The following TP53BP2 variants were observed in gnomAD, a reference collection of about 807,000 sequenced individuals.
TP53BP2 encodes the protein apoptosis-stimulating of p53 protein 2.
Under a neutral mutation model 126.2 loss-of-function variants are expected in TP53BP2, and 62 were observed. The ratio of observed to expected loss-of-function variants is 0.49; its 90% confidence interval spans 0.40 to 0.61. The LOEUF (loss-of-function observed/expected upper bound fraction) is 0.61. Ranked by LOEUF, TP53BP2 falls within the 20% of genes least tolerant of loss-of-function variation. The probability of loss-of-function intolerance (pLI) is 0.00; values close to 1 mark genes in which losing one functional copy is unlikely to be tolerated. For missense variants in TP53BP2, 1,215 were observed against 1,402.8 expected, an observed-to-expected ratio of 0.87 and a Z score of 2.14; for synonymous variants, 485 against 502.9, an observed-to-expected ratio of 0.96 and a Z score of 0.48.
chr1:223,788,145 T>C (rs1662033854), intron 16 of TP53BP2, among the ~76,000 whole-genome samples: 1 of 152,098 alleles, frequency 6.6e-6, no homozygotes, highest in South Asian at 2.1e-4. Flanking sequence ...AACTCCAGGT[T>C]TGTGGTTCTC....
Position 223,814,341 on chromosome 1 carries a change from G to A in TP53BP2, c.188C>T (p.Ala63Val), listed in dbSNP as rs768216647. 1.7e-5 allele frequency: 28 copies of A among 1,611,846 alleles called. No individual in the cohort carries two copies. Among genetic ancestry groups the A allele is most frequent in the Admixed American group, 1.3e-4 (8 of 59,938 alleles). Reference protein sequence around the residue: ...EVWCGSERPVADNERMFDVLQ... With the variant: ...EVWCGSERPVVDNERMFDVLQ... The stretch of plus-strand genomic sequence containing the variant: ...AACATCAAACATTCGCTCATTATCC[G>A]CAACTGGACGTTCTAAAGCAAATGA... Residue 63 changes from alanine (A) to valine (V), a missense_variant, in exon 3 of 18, where the codon GCG becomes GTG. Around this residue, in one of 4 missense-constraint regions of TP53BP2, gnomAD observed 814 missense variants for 853.0 expected, o/e 0.95. Coordinates refer to ENST00000343537, the MANE Select transcript of TP53BP2 (RefSeq NM_001031685.3).
chr1:223,831,498 T>C (rs1339318936), intron 1 of TP53BP2, among the ~76,000 whole-genome samples: 2 of 128,024 alleles, frequency 1.6e-5, no homozygotes, highest in African/African-American at 6.4e-5. Flanking sequence ...TATATATATA[T>C]ATATATATAT....
At chr1:223,832,599 T>C (rs888338835) in intron 1 of TP53BP2, among the ~76,000 whole-genome samples, 3 of 152,214 alleles carry the variant, frequency 2.0e-5, no homozygotes, top group Non-Finnish European at 4.4e-5. Context: ...AATTAAGATA[T>C]AACCAAAGTT....
chr1:223,788,264 C>G (rs1404492156), intron 16 of TP53BP2, among the ~76,000 whole-genome samples: 3 of 152,126 alleles, frequency 2.0e-5, no homozygotes, highest in African/African-American at 7.2e-5. Context: ...GTCTTCCAAT[C>G]AACTGGGAAA....
chr1:223,802,711 T>C lies in TP53BP2; in HGVS notation c.996+20A>G, dbSNP rs538538185. On this transcript the variant is annotated intron_variant, in intron 8 of 17. Transcript: ENST00000343537. Reference sequence around the variant, plus strand: ...TCTTTTTCCCTCCTCCCCAAAACCATTACAAAACGGCCCACTTACTGGTAG... The same window carrying C: ...TCTTTTTCCCTCCTCCCCAAAACCACTACAAAACGGCCCACTTACTGGTAG... The C allele has an allele frequency of 1.9e-6, 3 of 1,613,682 alleles. No homozygotes were observed. The highest frequency in any genetic ancestry group is 1.7e-5 in the Admixed American group (1 of 59,998).
At chr1:223,842,970 G>C (rs1248956179) in intron 1 of TP53BP2, among the ~76,000 whole-genome samples, 1 of 152,222 alleles carries the variant, frequency 6.6e-6, no homozygotes, top group Non-Finnish European at 1.5e-5. Flanking sequence ...GTATCTGAAA[G>C]TGAGAGTAAT....
intron 3 of TP53BP2, among the ~76,000 whole-genome samples, chr1:223,811,183 C>G (rs895112190): frequency 6.6e-6 from 1 of 152,002 alleles, no homozygotes; most frequent in Non-Finnish European, 1.5e-5. Flanking sequence ...TCTTTCAGTA[C>G]CACTTAATGT....
chr1:223,783,602 T>C (rs1661845844), intron 17 of TP53BP2, among the ~76,000 whole-genome samples: 1 of 152,228 alleles, frequency 6.6e-6, no homozygotes, highest in Admixed American at 6.5e-5. Flanking sequence ...TGTCTGACCA[T>C]ACGCCAGCCT....
chr1:223,788,908 C>T lies in TP53BP2; in HGVS notation c.3163+100G>A. Reference sequence around the variant, plus strand: ...TCAAGGCCCAAGACTATGGATAACACAAGATTTTTTCCAAACAAAAATACT... The same window carrying T: ...TCAAGGCCCAAGACTATGGATAACATAAGATTTTTTCCAAACAAAAATACT... On this transcript the variant is annotated intron_variant, in intron 16 of 17. Transcript: ENST00000343537. The T allele has an allele frequency of 3.8e-6, 5 of 1,304,594 alleles. No homozygotes were observed. The South Asian group carries it at 7.0e-5, about 18-fold the overall frequency. The allele number at this position is 1,304,594 out of a possible 1,614,324, so 80.8% of individuals were successfully genotyped here. A position where few individuals can be genotyped will look rare whatever the true frequency, so the allele number is the denominator to read the frequency against.
intron 1 of TP53BP2, among the ~76,000 whole-genome samples, chr1:223,843,269 G>T (rs1029521189): frequency 6.6e-6 from 1 of 151,906 alleles, no homozygotes; most frequent in South Asian, 2.1e-4. Flanking sequence ...CACCTCCAGG[G>T]TTCAAGCAAT....
chr1:223,828,136 A>C lies in TP53BP2; in HGVS notation c.28-6769T>G, dbSNP rs116543593. Among the ~76,000 whole-genome samples the C allele has an allele frequency of 6.1e-3, 925 of 152,302 alleles. 5 individuals carry two copies. Among genetic ancestry groups the C allele is most frequent in the African/African-American group, 0.021 (884 of 41,570 alleles). The stretch of plus-strand genomic sequence containing the variant: ...ACCATTTTTAAAGATAAAAAATAAA[A>C]CTGTTAAATCTAAGAAGTTTCCTGC... On this transcript the variant is annotated intron_variant, in intron 1 of 17. Coordinates refer to ENST00000343537, the MANE Select transcript of TP53BP2 (RefSeq NM_001031685.3).
At chr1:223,815,470 T>TAC (rs1663053169) in intron 2 of TP53BP2, among the ~76,000 whole-genome samples, 1 of 152,012 alleles carries the variant, frequency 6.6e-6, no homozygotes, top group Non-Finnish European at 1.5e-5. Flanking sequence ...CCCTACAAAA[T>TAC]ACACACACAC....
At chr1:223,845,358 C>T (rs1664230431) in intron 1 of TP53BP2, 4 of 717,822 alleles carry the variant, frequency 5.6e-6, no homozygotes, top group East Asian at 1.3e-4. Context: ...CAGTGAAAGA[C>T]GAAAAGTTTG....
Position 223,793,476 on chromosome 1 carries a change from G to A in TP53BP2, c.2725-36C>T, listed in dbSNP as rs57830848. ...AATGGGTGGAAAATTTAGGATCCTC[G>A]TCTATGCAAGAGAACAACAGCAGCA... On this transcript the variant is annotated intron_variant, in intron 13 of 17. Transcript: ENST00000343537. 5,386 of 1,510,932 alleles carry A rather than the reference G, an allele frequency of 3.6e-3. 157 individuals are homozygous for A. The African/African-American group carries it at 0.065, about 18-fold the overall frequency. 93.6% of individuals were successfully genotyped at this position (1,510,932 alleles called of 1,614,324 possible). A position where few individuals can be genotyped will look rare whatever the true frequency, so the allele number is the denominator to read the frequency against.
intron 5 of TP53BP2, among the ~76,000 whole-genome samples, chr1:223,806,545 C>T (rs567788014): frequency 1.3e-5 from 2 of 152,158 alleles, no homozygotes; most frequent in East Asian, 1.9e-4. Context: ...TACTACCAGC[C>T]GGGCACGGGG....
intron 1 of TP53BP2, among the ~76,000 whole-genome samples, chr1:223,824,412 C>A (rs1159459071): frequency 1.3e-5 from 2 of 152,310 alleles, no homozygotes; most frequent in South Asian, 4.1e-4. Context: ...ATTAGCTCTG[C>A]GGTGATTTTA....
At chr1:223,832,414 A>G (rs1663769074) in intron 1 of TP53BP2, among the ~76,000 whole-genome samples, 1 of 152,200 alleles carries the variant, frequency 6.6e-6, no homozygotes, top group Non-Finnish European at 1.5e-5. Flanking sequence ...GTGTTTCACA[A>G]TTCCTCTGCA....
intron 16 of TP53BP2, among the ~76,000 whole-genome samples, chr1:223,785,115 G>A (rs1378117531): frequency 1.3e-5 from 2 of 152,190 alleles, no homozygotes; most frequent in African/African-American, 2.4e-5. Flanking sequence ...GAAAAAAGCA[G>A]AGGAGAAGGA....
intron 14 of TP53BP2, 128 bp downstream of exon 14, chr1:223,793,175 C>T (rs368455590): frequency 8.1e-6 from 6 of 741,766 alleles, no homozygotes; most frequent in Non-Finnish European, 1.2e-5. Flanking sequence ...TCTCTACAGT[C>T]GCTTTCTAAT....
Sources: allele counts gnomAD v4.1 joint callset (sites outside exome capture counted in the v4.1 genomes callset), GRCh38; gene constraint gnomAD v4.1.1; regional missense constraint gnomAD v4.1.1; transcripts MANE v1.5; gene names NCBI Gene and HGNC (gene_info 2026-07-23, HGNC 2026-07-21).